Variants in BTAF1 observed in about 807,000 individuals in gnomAD.
The protein encoded by BTAF1 is TATA-binding protein-associated factor 172.
Under a neutral mutation model 227.1 loss-of-function variants are expected in BTAF1, and 38 were observed. That is an observed-to-expected ratio of 0.17 (90% CI 0.13 to 0.22). BTAF1 has a LOEUF of 0.22. BTAF1 is among the 10% of genes least tolerant of loss of function. BTAF1 has a pLI of 1.00. For synonymous variants in BTAF1, 742 were observed against 751.9 expected, an observed-to-expected ratio of 0.99 and a Z score of 0.21; for missense variants, 1,598 against 2,204.0, an observed-to-expected ratio of 0.73 and a Z score of 5.51.
intron 14 of BTAF1, among the ~76,000 whole-genome samples, chr10:91,979,539 A>G (rs1263026368): frequency 2.0e-4 from 30 of 152,098 alleles, no homozygotes; most frequent in Non-Finnish European, 4.1e-4. Flanking sequence ...GATTTCTGCA[A>G]TTTCAGTTAA....
At chr10:91,946,675 A>G (rs1171282620) in intron 4 of BTAF1, among the ~76,000 whole-genome samples, 1 of 152,182 alleles carries the variant, frequency 6.6e-6, no homozygotes, top group Non-Finnish European at 1.5e-5. Context: ...ACTTCATTTC[A>G]TGTATTGACC....
At chr10:91,943,311 C>T (rs1845141648) in intron 4 of BTAF1, among the ~76,000 whole-genome samples, 1 of 152,074 alleles carries the variant, frequency 6.6e-6, no homozygotes. Context: ...TAGACTCTGT[C>T]TCAAAATAAG....
intron 35 of BTAF1, 119 bp downstream of exon 35, chr10:92,025,086 A>C: frequency 1.2e-6 from 1 of 822,396 alleles, no homozygotes; most frequent in South Asian, 1.9e-5. Context: ...TAATTGTGTA[A>C]TTCACCCCAA....
chr10:91,941,239 G>T (rs1031545369), intron 3 of BTAF1, among the ~76,000 whole-genome samples: 1 of 152,076 alleles, frequency 6.6e-6, no homozygotes, highest in South Asian at 2.1e-4. Context: ...ACTTAGTTCC[G>T]TTTTTAAAAG....
At position 91,992,204 on chromosome 10, in the gene BTAF1, C is replaced by T; in HGVS notation, c.2940C>T (p.Ala980=). ...CACTCTACAGGCACCAGAAAGCTGCCTTTGCTATCACAAGTAGGCGAGGTC... is the reference window on the plus strand; with the variant it reads ...CACTCTACAGGCACCAGAAAGCTGCTTTTGCTATCACAAGTAGGCGAGGTC... ...IITLYRHQKA[A]FAITSRRGPT... The change falls in exon 21 of 38, where the codon GCC becomes GCT. Residue 980 remains alanine, a synonymous_variant. Transcript: ENST00000265990. The T allele has an allele frequency of 6.2e-7, 1 of 1,614,008 alleles. No individual in the cohort carries two copies. The highest frequency in any genetic ancestry group is 8.5e-7 in the Non-Finnish European group (1 of 1,179,988).
In BTAF1 at chr10:92,024,739, T is replaced by TG. The variant is rs56214234; in HGVS notation, c.4864-17_4864-16insG. On this transcript the variant is annotated splice_polypyrimidine_tract_variant and intron_variant, in intron 34 of 37. Transcript: ENST00000265990. Reference sequence around the variant, plus strand: ...TTATTGAACGCTTATGTAGTTTTTTTTTTTTTTCTTCCTAAGTTGCTGTTG... The same window carrying TG: ...TTATTGAACGCTTATGTAGTTTTTTTGTTTTTTTCTTCCTAAGTTGCTGTTG... 7.7e-5 allele frequency: 121 copies of TG among 1,566,588 alleles called. No individual in the cohort carries two copies. Among genetic ancestry groups the TG allele is most frequent in the Middle Eastern group, 4.1e-4 (2 of 4,854 alleles).
chr10:91,945,532 C>G (rs1015417493), intron 4 of BTAF1, among the ~76,000 whole-genome samples: 5 of 152,146 alleles, frequency 3.3e-5, no homozygotes, highest in African/African-American at 1.2e-4. Flanking sequence ...GTAAGTGAAT[C>G]CTACAGTGTT....
At chr10:92,001,937 A>G (rs2066414075) in intron 25 of BTAF1, among the ~76,000 whole-genome samples, 1 of 136,850 alleles carries the variant, frequency 7.3e-6, no homozygotes, top group African/African-American at 2.7e-5. Flanking sequence ...ACATGGTGAA[A>G]CCCTGTCTCA....
chr10:92,003,323 T>C lies in BTAF1; in HGVS notation c.3661-4800T>C, dbSNP rs74925916. On this transcript the variant is annotated intron_variant, in intron 25 of 37. Coordinates refer to ENST00000265990, the MANE Select transcript of BTAF1 (RefSeq NM_003972.3). ...TATTTATCATTAACTGTAGTCACCA[T>C]GCTGTACAGATCTACAGAATGTATT... Among the ~76,000 whole-genome samples the C allele has an allele frequency of 7.9e-4, 120 of 152,352 alleles. 3 individuals carry two copies. In the East Asian group the frequency reaches 0.022, roughly 27 times the overall value.
intron 2 of BTAF1, among the ~76,000 whole-genome samples, chr10:91,938,211 A>G (rs772179857): frequency 1.8e-4 from 27 of 152,226 alleles, no homozygotes; most frequent in Non-Finnish European, 3.2e-4. Flanking sequence ...AAGGTATCCA[A>G]ACTATACAAA....
chr10:91,956,565 C>A lies in BTAF1; in HGVS notation c.739C>A (p.Arg247=), dbSNP rs756308306. ...STDGEPEEKR[R]KIANVVINQS... ...TGATGGGGAGCCAGAAGAAAAGAGA[C>A]GGAAAATAGCAAATGTTGTTATTAA... The change falls in exon 7 of 38, where the codon CGG becomes AGG. Residue 247 remains arginine (R), a synonymous_variant. Coordinates refer to ENST00000265990, the MANE Select transcript of BTAF1 (RefSeq NM_003972.3). 6.3e-7 allele frequency: 1 copy of A among 1,598,256 alleles called. No homozygotes were observed. Among genetic ancestry groups the A allele is most frequent in the Non-Finnish European group, 8.5e-7 (1 of 1,175,748 alleles).
chr10:91,949,900 C>T (rs867880884), intron 4 of BTAF1, among the ~76,000 whole-genome samples: 3 of 152,056 alleles, frequency 2.0e-5, no homozygotes, highest in Admixed American at 6.6e-5. Context: ...CTTTGGTAGG[C>T]CAAGGCAGGA....
intron 25 of BTAF1, 74 bp from the exon 26 acceptor site, chr10:92,008,044 GTTTGT>G: frequency 7.8e-7 from 1 of 1,286,322 alleles, no homozygotes; most frequent in South Asian, 1.4e-5. Flanking sequence ...TTTTCTGTGT[GTTTGT>G]TTTGTGTTTA....
At chr10:91,939,584 G>C (rs930087402) in intron 2 of BTAF1, among the ~76,000 whole-genome samples, 6 of 152,116 alleles carry the variant, frequency 3.9e-5, no homozygotes. Flanking sequence ...GATGACAGGT[G>C]TGTGCCACCA....
chr10:91,984,144 G>T lies in BTAF1; in HGVS notation c.2224-57G>T, dbSNP rs1011203031. On this transcript the variant is annotated intron_variant, in intron 18 of 37. Coordinates refer to ENST00000265990, the MANE Select transcript of BTAF1 (RefSeq NM_003972.3). ...TGGTAGTCTACAAATGACGATTTCTGTATCTATAAAGTTAATGTTCATACA... is the reference window on the plus strand; with the variant it reads ...TGGTAGTCTACAAATGACGATTTCTTTATCTATAAAGTTAATGTTCATACA... 6.8e-6 allele frequency: 10 copies of T among 1,466,886 alleles called. No homozygotes were observed. In the African/African-American group the frequency reaches 7.1e-5, roughly 10 times the overall value. The allele number at this position is 1,466,886 out of a possible 1,614,324, so 90.9% of individuals were successfully genotyped here.
At chr10:92,001,270 T>C (rs1340761929) in intron 25 of BTAF1, among the ~76,000 whole-genome samples, 1 of 152,022 alleles carries the variant, frequency 6.6e-6, no homozygotes, top group African/African-American at 2.4e-5. Flanking sequence ...AGACAGGAGG[T>C]AGCTGCACAG....
Position 91,980,502 on chromosome 10 carries a change from A to G in BTAF1, c.1699A>G (p.Ile567Val). 1 of 1,613,206 alleles carries G rather than the reference A, an allele frequency of 6.2e-7. No individual in the cohort carries two copies. The change falls in exon 15 of 38, where the codon ATT becomes GTT. Residue 567 changes from isoleucine (I) to valine (V), a missense_variant. Ile to Val is a conservative substitution (Grantham distance 29). Around this residue, in one of 10 missense-constraint regions of BTAF1, gnomAD observed 318 missense variants for 435.0 expected, o/e 0.73. Transcript: ENST00000265990. ...TATACTGCCTGATATGCTCCGACAC[A>G]TTTTTCAGTTCTGTGTTTTGGAAAG... ...IPILPDMLRH[I>V]FQFCVLESSQ...
Position 91,959,740 on chromosome 10 carries a change from G to GTA in BTAF1, c.991-15_991-14dup, listed in dbSNP as rs200052275. ...AAAATGTGTGTGTGTGTGTGTGTGTGTATATATATATATATATATATATAT... is the reference window on the plus strand; with the variant it reads ...AAAATGTGTGTGTGTGTGTGTGTGTGTATATATATATATATATATATATATAT... On this transcript the variant is annotated intron_variant, in intron 9 of 37. Transcript: ENST00000265990. The GTA allele has an allele frequency of 2.2e-3, 487 of 226,492 alleles. 3 individuals carry two copies. The highest frequency in any genetic ancestry group is 0.012 in the African/African-American group (445 of 37,776). 14.0% of individuals were successfully genotyped at this position (226,492 alleles called of 1,614,324 possible).
At chr10:91,925,969 T>A (rs1183267877) in intron 1 of BTAF1, among the ~76,000 whole-genome samples, 1 of 152,204 alleles carries the variant, frequency 6.6e-6, no homozygotes, top group Non-Finnish European at 1.5e-5. Context: ...GCCTGTCATG[T>A]TTTTATGGAA....
Sources: allele counts gnomAD v4.1 joint callset (sites outside exome capture counted in the v4.1 genomes callset), GRCh38; gene constraint gnomAD v4.1.1; regional missense constraint gnomAD v4.1.1; transcripts MANE v1.5; gene names NCBI Gene and HGNC (gene_info 2026-07-23, HGNC 2026-07-21).